The following MYO16 variants were observed in gnomAD, a reference collection of about 807,000 sequenced individuals.
MYO16 encodes the protein unconventional myosin-XVI.
MYO16 carries 94 observed loss-of-function variants against 205.3 expected under a neutral mutation model. That is an observed-to-expected ratio of 0.46 (90% CI 0.39 to 0.54). The LOEUF (loss-of-function observed/expected upper bound fraction) is 0.54, where lower values mean the gene tolerates loss of function less well. Among genes scored for constraint, MYO16 ranks in the 20% least tolerant of loss-of-function variants. The pLI, the probability that MYO16 is intolerant of heterozygous loss-of-function variation, is 0.00. For synonymous variants in MYO16, 988 were observed against 954.0 expected, an observed-to-expected ratio of 1.04 and a Z score of -0.66; for missense variants, 2,315 against 2,387.5, an observed-to-expected ratio of 0.97 and a Z score of 0.63.
At chr13:109,174,746 GT>G (rs1181929407) in intron 33 of MYO16, among the ~76,000 whole-genome samples, 2 of 117,216 alleles carry the variant, frequency 1.7e-5, no homozygotes, top group Non-Finnish European at 3.5e-5. Flanking sequence ...TTCTTGTCTT[GT>G]CTTTTTTTTT....
the MYO16 span, among the ~76,000 whole-genome samples, chr13:108,575,019 A>G: frequency 6.6e-6 from 1 of 152,104 alleles, no homozygotes; most frequent in Non-Finnish European, 1.5e-5. Context: ...AGGTGTACTC[A>G]CACACTCCAG....
At chr13:108,992,306 A>C (rs1241167248) in intron 20 of MYO16, 70 bp from the exon 21 acceptor site, 2 of 1,136,348 alleles carry the variant, frequency 1.8e-6, no homozygotes, top group Non-Finnish European at 2.6e-6. Flanking sequence ...TTCTGACCTG[A>C]ATAATGAAAA....
At chr13:108,850,603 T>TAAG (rs1877807622) in intron 10 of MYO16, among the ~76,000 whole-genome samples, 1 of 152,222 alleles carries the variant, frequency 6.6e-6, no homozygotes, top group Admixed American at 6.5e-5. Context: ...CTTTTCAGCC[T>TAAG]ACAACTGCAA....
intron 28 of MYO16, among the ~76,000 whole-genome samples, chr13:109,117,230 T>C (rs1875737486): frequency 6.6e-6 from 1 of 152,038 alleles, no homozygotes; most frequent in Admixed American, 6.6e-5. Context: ...TGACTCACTT[T>C]ATGCAAGGGC....
chr13:108,975,965 T>G (rs142919108), intron 20 of MYO16, among the ~76,000 whole-genome samples: 68 of 152,222 alleles, frequency 4.5e-4, no homozygotes, highest in African/African-American at 1.5e-3. Flanking sequence ...ATATTAAAAT[T>G]AAGTATTTTT....
chr13:108,667,955 G>T (rs1881814663), intron 2 of MYO16, among the ~76,000 whole-genome samples: 1 of 152,100 alleles, frequency 6.6e-6, no homozygotes, highest in Non-Finnish European at 1.5e-5. Flanking sequence ...TGAGAGGATT[G>T]TTTGAGCCTG....
the MYO16 span, among the ~76,000 whole-genome samples, chr13:108,567,941 T>C: frequency 6.6e-6 from 1 of 152,184 alleles, no homozygotes; most frequent in Admixed American, 6.5e-5. Context: ...GAACATTTAA[T>C]GTAAATAGAA....
At chr13:108,623,129 T>C (rs1295977312) in intron 1 of MYO16, among the ~76,000 whole-genome samples, 2 of 152,152 alleles carry the variant, frequency 1.3e-5, no homozygotes. Context: ...TTCCAAGGTA[T>C]GCTTTTATGT....
chr13:108,904,203 G>A (rs7139570), intron 15 of MYO16, among the ~76,000 whole-genome samples: 148,826 of 152,278 alleles, frequency 0.98, 72,804 homozygotes, highest in Middle Eastern at 1. Context: ...TTTATAAATA[G>A]CATTCTAGTC....
chr13:108,652,553 G>GTC (rs1881059704), intron 1 of MYO16, among the ~76,000 whole-genome samples: 1 of 152,100 alleles, frequency 6.6e-6, no homozygotes, highest in African/African-American at 2.4e-5. Context: ...CCCATTCAAC[G>GTC]TCAACTCTCA....
chr13:108,689,797 A>G, intron 2 of MYO16, among the ~76,000 whole-genome samples: 1 of 152,136 alleles, frequency 6.6e-6, no homozygotes, highest in South Asian at 2.1e-4. Context: ...CACAGCCTAC[A>G]TTTTTCTAGT....
intron 23 of MYO16, among the ~76,000 whole-genome samples, chr13:109,023,763 A>G (rs1471836480): frequency 1.0e-5 from 1 of 97,464 alleles, no homozygotes; most frequent in African/African-American, 3.5e-5. Context: ...GTATACAAAT[A>G]TGTTTTTATA....
chr13:108,704,124 T>A (rs974944257), intron 2 of MYO16, among the ~76,000 whole-genome samples: 5 of 152,162 alleles, frequency 3.3e-5, no homozygotes, highest in Admixed American at 2.6e-4. Flanking sequence ...TCCAGAACTA[T>A]GAGAAAATAA....
chr13:108,738,245 C>A lies in MYO16; in HGVS notation c.507+10662C>A, dbSNP rs200281972. On this transcript the variant is annotated intron_variant, in intron 4 of 34. Transcript: ENST00000457511. ...AGATGTTAGGGTGTCAATTTTAGAT[C>A]TTTCCTGCTTTCTCTTGTGGGCATT... is the stretch of plus-strand genomic sequence containing the variant. 2.2e-4 allele frequency among the ~76,000 whole-genome samples: 34 copies of A among 152,282 alleles called. 1 individual carries two copies. In the East Asian group the frequency reaches 5.8e-3, roughly 26 times the overall value.
the MYO16 span, among the ~76,000 whole-genome samples, chr13:108,590,331 T>G: frequency 6.6e-6 from 1 of 152,298 alleles, no homozygotes; most frequent in South Asian, 2.1e-4. Context: ...AATGCCTGAG[T>G]TTAACCCTAG....
the MYO16 span, among the ~76,000 whole-genome samples, chr13:108,571,442 CT>C: frequency 3.9e-5 from 6 of 152,058 alleles, no homozygotes; most frequent in South Asian, 1.0e-3. Context: ...TTTCTAAAAT[CT>C]TAAGAGGCTA....
chr13:108,795,400 G>A (rs1444192926), intron 6 of MYO16, among the ~76,000 whole-genome samples: 2 of 151,984 alleles, frequency 1.3e-5, no homozygotes, highest in Non-Finnish European at 2.9e-5. Flanking sequence ...ATTAGAGACG[G>A]GGTTTCACCA....
chr13:108,632,439 G>A (rs914020271), intron 1 of MYO16, among the ~76,000 whole-genome samples: 1 of 152,092 alleles, frequency 6.6e-6, no homozygotes, highest in African/African-American at 2.4e-5. Context: ...TGAATCACAG[G>A]AAGCCTTCAG....
chr13:109,100,633 T>G lies in MYO16; in HGVS notation c.3336-152T>G, dbSNP rs1594086014. 5.4e-6 allele frequency: 3 copies of G among 552,486 alleles called. No individual in the cohort carries two copies. In the Admixed American group the frequency reaches 8.9e-5, roughly 16 times the overall value. 34.2% of individuals were successfully genotyped at this position (552,486 alleles called of 1,614,324 possible). On this transcript the variant is annotated intron_variant, in intron 27 of 34. Coordinates refer to ENST00000457511, the MANE Select transcript of MYO16 (RefSeq NM_001198950.3). ...ATAAGGATTCTTTCCAGTTCCCTAG[T>G]AAATGCACAATGGACAGGTATTTGG...
Sources: gnomAD v4.1 joint callset for allele counts (sites outside exome capture counted in the v4.1 genomes callset) on GRCh38, gnomAD v4.1.1 for gene constraint, MANE v1.5 for transcripts, NCBI Gene and HGNC (gene_info 2026-07-23, HGNC 2026-07-21) for gene names.